SYCP2L: variants seen among roughly 807,000 people sequenced by gnomAD.
The protein encoded by SYCP2L is synaptonemal complex protein 2 like.
A neutral mutation model predicts 125.8 loss-of-function variants in SYCP2L; 98 were observed. The ratio of observed to expected loss-of-function variants is 0.78; its 90% confidence interval spans 0.66 to 0.92. The LOEUF is 0.92. Ranked by LOEUF, SYCP2L falls within the 40% of genes least tolerant of loss-of-function variation. The pLI is 0.00. For missense variants in SYCP2L, 842 were observed against 936.4 expected (o/e 0.90, Z 1.32); for synonymous variants, 317 against 325.4 (o/e 0.97, Z 0.28).
intron 14 of SYCP2L, among the ~76,000 whole-genome samples, chr6:10,916,331 A>C (rs1440821630): frequency 6.6e-6 from 1 of 151,780 alleles, no homozygotes. Context: ...TTCTGGTCTG[A>C]TGTTGGTTAT....
intron 25 of SYCP2L, among the ~76,000 whole-genome samples, chr6:10,957,358 T>C (rs1561701007): frequency 5.9e-5 from 9 of 152,350 alleles, no homozygotes; most frequent in Admixed American, 4.6e-4. Context: ...AGCTATTCCA[T>C]GTCCATTTGC....
At chr6:10,940,061 A>T (rs80030976) in intron 21 of SYCP2L, among the ~76,000 whole-genome samples, 6,733 of 150,530 alleles carry the variant, frequency 0.045, 339 homozygotes, top group East Asian at 0.23. Context: ...CCAAAAAAGA[A>T]GCACAAATGG....
At chr6:10,923,219 TCTC>T (rs1331079243) in intron 14 of SYCP2L, among the ~76,000 whole-genome samples, 2 of 152,056 alleles carry the variant, frequency 1.3e-5, no homozygotes, top group African/African-American at 4.8e-5. Flanking sequence ...CCTTTTCTAT[TCTC>T]CTTCTTCCGA....
chr6:10,893,007 A>G (rs2113283670), intron 2 of SYCP2L, among the ~76,000 whole-genome samples: 1 of 151,316 alleles, frequency 6.6e-6, no homozygotes, highest in East Asian at 1.9e-4. Context: ...TCAAGTATAT[A>G]TACTTTTTTT....
chr6:10,909,663 A>G (rs1414232168), intron 10 of SYCP2L, among the ~76,000 whole-genome samples: 6 of 152,214 alleles, frequency 3.9e-5, no homozygotes, highest in Non-Finnish European at 7.3e-5. Flanking sequence ...ATATGCTAGG[A>G]GAAGACAGTG....
intron 14 of SYCP2L, among the ~76,000 whole-genome samples, chr6:10,919,290 CT>C (rs1438922096): frequency 6.6e-6 from 1 of 152,184 alleles, no homozygotes; most frequent in African/African-American, 2.4e-5. Flanking sequence ...TACTCTCCCT[CT>C]TTTCCTATGG....
At chr6:10,940,183 A>AC (rs1308601536) in intron 21 of SYCP2L, among the ~76,000 whole-genome samples, 1 of 152,218 alleles carries the variant, frequency 6.6e-6, no homozygotes, top group African/African-American at 2.4e-5. Flanking sequence ...ACAGGAGATA[A>AC]CAAGTGTTGG....
intron 14 of SYCP2L, among the ~76,000 whole-genome samples, chr6:10,923,930 C>T (rs566772477): frequency 6.6e-5 from 10 of 152,198 alleles, no homozygotes; most frequent in South Asian, 2.1e-4. Flanking sequence ...GTGATCCACC[C>T]GCCTCGGCCT....
Position 10,891,601 on chromosome 6 carries a change from T to A in SYCP2L, c.78+20T>A. ...TTCTGGGTAAAGATCAAGTTTCTTT[T>A]ATAATCTCTCTCTGTGTGTGTGTGT... On this transcript the variant is annotated intron_variant, in intron 2 of 29. Coordinates refer to ENST00000283141, the MANE Select transcript of SYCP2L (RefSeq NM_001040274.3). The A allele has an allele frequency of 7.6e-7, 1 of 1,321,300 alleles. No individual in the cohort carries two copies. Among genetic ancestry groups the A allele is most frequent in the Non-Finnish European group, 1.1e-6 (1 of 926,438 alleles). 81.8% of individuals were successfully genotyped at this position (1,321,300 alleles called of 1,614,324 possible).
intron 26 of SYCP2L, 74 bp downstream of exon 26, chr6:10,958,949 T>C (rs959480101): frequency 1.4e-5 from 18 of 1,322,102 alleles, no homozygotes; most frequent in Non-Finnish European, 1.9e-5. Context: ...ATGACCACTG[T>C]GCTAGGGCCC....
chr6:10,952,814 T>C (rs1001061935), intron 23 of SYCP2L, among the ~76,000 whole-genome samples: 2 of 152,128 alleles, frequency 1.3e-5, no homozygotes, highest in African/African-American at 4.8e-5. Context: ...TTTTTAAAAA[T>C]CTTTGCCCTT....
intron 8 of SYCP2L, among the ~76,000 whole-genome samples, chr6:10,904,270 G>T (rs946335105): frequency 2.0e-5 from 3 of 152,140 alleles, no homozygotes; most frequent in African/African-American, 7.2e-5. Flanking sequence ...AGGTAAGGTT[G>T]TAATGTGTGA....
intron 19 of SYCP2L, 39 bp from the exon 20 acceptor site, chr6:10,931,401 T>G (rs1021447557): frequency 6.2e-7 from 1 of 1,609,032 alleles, no homozygotes; most frequent in African/African-American, 1.3e-5. Context: ...GCCTCATGAG[T>G]TAATGTATAT....
At chr6:10,970,216 T>G (rs1474428022) in intron 29 of SYCP2L, among the ~76,000 whole-genome samples, 1 of 152,130 alleles carries the variant, frequency 6.6e-6, no homozygotes, top group East Asian at 1.9e-4. Flanking sequence ...CAGGGAAGAC[T>G]GAGGAAGCCC....
intron 14 of SYCP2L, among the ~76,000 whole-genome samples, chr6:10,918,106 G>T (rs966356148): frequency 3.6e-4 from 55 of 151,466 alleles, no homozygotes; most frequent in African/African-American, 1.2e-3. Context: ...GTTGAGGCTG[G>T]AGAGTGGTGT....
rs1395367263 is a variant in SYCP2L, at chr6:10,954,343, GTGACAAT to G, written c.1955-769_1955-763del. 5.9e-5 allele frequency among the ~76,000 whole-genome samples: 9 copies of G among 152,300 alleles called. No individual in the cohort carries two copies. Among genetic ancestry groups the G allele is most frequent in the Non-Finnish European group, 4.4e-5 (3 of 68,032 alleles). On this transcript the variant is annotated intron_variant, in intron 23 of 29. Transcript: ENST00000283141. This position sits in a 1 kb window ranked among gnomAD's most constrained non-coding sequence, Gnocchi z 4.8. The stretch of plus-strand genomic sequence containing the variant: ...GCTCAGGCAAGAGAGAGATTTGGAA[GTGACAAT>G]TGAAGGTGAAGGATTGACGATTTCC...
At chr6:10,902,567 A>G (rs1780396780) in intron 6 of SYCP2L, 110 bp from the exon 7 acceptor site, 1 of 853,874 alleles carries the variant, frequency 1.2e-6, no homozygotes, top group Middle Eastern at 3.1e-4. Context: ...AGTGGGTTAT[A>G]TTGTAGAAAA....
At chr6:10,952,500 C>T (rs952214097) in intron 23 of SYCP2L, among the ~76,000 whole-genome samples, 2 of 151,634 alleles carry the variant, frequency 1.3e-5, no homozygotes, top group African/African-American at 4.8e-5. Flanking sequence ...TGACAGATGC[C>T]TTGCTTTGCC....
intron 9 of SYCP2L, among the ~76,000 whole-genome samples, chr6:10,906,727 A>T (rs1352706370): frequency 1.3e-5 from 2 of 151,296 alleles, no homozygotes; most frequent in Non-Finnish European, 2.9e-5. Flanking sequence ...CCTCCCGAGT[A>T]GCTGGGATTA....
Sources: gnomAD v4.1 joint callset for allele counts (sites outside exome capture counted in the v4.1 genomes callset) on GRCh38, gnomAD v4.1.1 for gene constraint, Gnocchi (gnomAD v3.1) non-coding constraint, MANE v1.5 for transcripts, NCBI Gene and HGNC (gene_info 2026-07-23, HGNC 2026-07-21) for gene names.